DLG5: variants seen among roughly 807,000 people sequenced by gnomAD.
The protein encoded by DLG5 is disks large homolog 5.
A neutral mutation model predicts 189.8 loss-of-function variants in DLG5; 48 were observed. The observed-to-expected ratio is 0.25, with a 90% confidence interval of 0.20 to 0.32. The LOEUF (loss-of-function observed/expected upper bound fraction) is 0.32, where lower values mean the gene tolerates loss of function less well. DLG5 is among the 10% of genes least tolerant of loss of function. DLG5 has a pLI of 1.00. For missense variants in DLG5, 2,160 were observed against 2,544.7 expected (o/e 0.85, Z 3.25); for synonymous variants, 1,016 against 1,054.1 (o/e 0.96, Z 0.70).
chr10:77,825,569 T>C (rs1009358267), intron 13 of DLG5, among the ~76,000 whole-genome samples: 1 of 152,084 alleles, frequency 6.6e-6, no homozygotes, highest in African/African-American at 2.4e-5. Flanking sequence ...TTCTTTTTTT[T>C]TTTTGAGATG....
chr10:77,810,956 G>A (rs1053908669), intron 23 of DLG5, 138 bp downstream of exon 23: 24 of 1,056,168 alleles, frequency 2.3e-5, no homozygotes, highest in Middle Eastern at 3.2e-4. Flanking sequence ...CCGTGCTCCC[G>A]GCCCAACTCC....
intron 24 of DLG5, among the ~76,000 whole-genome samples, chr10:77,808,392 G>C (rs1008221139): frequency 1.2e-4 from 19 of 152,198 alleles, no homozygotes; most frequent in African/African-American, 4.1e-4. Context: ...TCAGCCTCCA[G>C]AATAGCTGGG....
chr10:77,928,571 C>CTT, upstream of DLG5: 1 of 152,380 alleles, frequency 6.6e-6, no homozygotes, highest in African/African-American at 2.4e-5. Context: ...AGGGCAACCC[C>CTT]AGAGCTTAAA....
intron 1 of DLG5, among the ~76,000 whole-genome samples, chr10:77,892,648 G>A (rs368724219): frequency 9.9e-5 from 15 of 152,136 alleles, no homozygotes; most frequent in African/African-American, 3.4e-4. Flanking sequence ...AAGACACCTC[G>A]CACACCAGAC....
At chr10:77,889,165 G>C (rs1023915617) in intron 1 of DLG5, among the ~76,000 whole-genome samples, 12 of 145,832 alleles carry the variant, frequency 8.2e-5, no homozygotes, top group Admixed American at 1.4e-4. Flanking sequence ...GGCTTCACAA[G>C]CCCACAGGTA....
intron 3 of DLG5, 37 bp from the exon 4 acceptor site, chr10:77,854,407 C>A (rs764125256): frequency 6.2e-7 from 1 of 1,610,778 alleles, no homozygotes; most frequent in South Asian, 1.1e-5. Context: ...GAACACAGGC[C>A]CCAGGATTCA....
At chr10:77,900,729 G>A (rs1845900073) in intron 1 of DLG5, among the ~76,000 whole-genome samples, 1 of 152,190 alleles carries the variant, frequency 6.6e-6, no homozygotes, top group Non-Finnish European at 1.5e-5. Context: ...GAGGTCAGGA[G>A]TTTGAGACCA....
At chr10:77,869,330 C>T in intron 1 of DLG5, 133 bp from the exon 2 acceptor site, 1 of 794,164 alleles carries the variant, frequency 1.3e-6, no homozygotes, top group Non-Finnish European at 2.1e-6. Context: ...CATCCACGGG[C>T]CAAGCAGAGG....
At chr10:77,850,366 T>G (rs867112568) in intron 5 of DLG5, among the ~76,000 whole-genome samples, 26 of 152,370 alleles carry the variant, frequency 1.7e-4, no homozygotes, top group Middle Eastern at 3.4e-3. Flanking sequence ...CACTATAGCA[T>G]GGATCAGTAC....
At chr10:77,893,766 C>T (rs374604467) in intron 1 of DLG5, among the ~76,000 whole-genome samples, 105 of 152,362 alleles carry the variant, frequency 6.9e-4, no homozygotes, top group African/African-American at 2.5e-3. Context: ...TCAGTGCAGA[C>T]ACCATTACCT....
intron 24 of DLG5, among the ~76,000 whole-genome samples, chr10:77,809,328 C>T (rs1841638848): frequency 6.6e-6 from 1 of 152,160 alleles, no homozygotes. Flanking sequence ...ATCGCTTGAA[C>T]CTGGGAAGTG....
chr10:77,899,104 C>T (rs1242593228), intron 1 of DLG5, among the ~76,000 whole-genome samples: 1 of 152,188 alleles, frequency 6.6e-6, no homozygotes, highest in Non-Finnish European at 1.5e-5. Context: ...AGGTCCCATC[C>T]GCCTTGAAGT....
rs1462799851 is a variant in DLG5 at position 77,794,161 on chromosome 10, C to T, written c.5547-44G>A. 4 of 1,559,852 alleles carry T rather than the reference C, an allele frequency of 2.6e-6. No individual in the cohort carries two copies. The South Asian group carries it at 3.3e-5, about 13-fold the overall frequency. ...ACCAGGCTGAGCACTGAGCCTCCTC[C>T]AGGCCCTCTTTCCTTCCTCTGTCCA... On this transcript the variant is annotated intron_variant, in intron 30 of 31. Transcript: ENST00000372391.
chr10:77,816,859 C>T (rs566373786), intron 19 of DLG5, 148 bp downstream of exon 19: 17 of 1,337,700 alleles, frequency 1.3e-5, no homozygotes, highest in East Asian at 2.4e-5. Flanking sequence ...CCCTACCCCC[C>T]ACACCACCAG....
chr10:77,919,231 A>AC (rs1226034792), intron 1 of DLG5, among the ~76,000 whole-genome samples: 3 of 152,066 alleles, frequency 2.0e-5, no homozygotes, highest in African/African-American at 4.8e-5. Flanking sequence ...AAACAAACAA[A>AC]AAAAAAACTG....
chr10:77,816,203 G>A (rs547236318), intron 20 of DLG5: 7 of 557,518 alleles, frequency 1.3e-5, no homozygotes, highest in East Asian at 8.8e-5. Context: ...CAATAATAAC[G>A]ACACTGGCAG....
rs1842999158 is a variant in DLG5 at position 77,833,955 on chromosome 10, G to A, written c.1707C>T (p.Arg569=). ...CGCGGCTGACATCATTCTTCTGCTT[G>A]CGGGTGTCATCCAGGCTGCGCAGGG... The part of the protein sequence containing the change: ...AEALRSLDDT[R]KQKNDVSREL... The change falls in exon 9 of 32, where the codon CGC becomes CGT. Residue 569 remains arginine (R), a synonymous_variant. Transcript: ENST00000372391. 1 of 1,606,898 alleles carries A rather than the reference G, an allele frequency of 6.2e-7. No homozygotes were observed. The highest frequency in any genetic ancestry group is 2.2e-5 in the East Asian group (1 of 44,818).
chr10:77,794,966 G>A lies in DLG5; in HGVS notation c.5437-8C>T, dbSNP rs753176126. On this transcript the variant is annotated splice_polypyrimidine_tract_variant and splice_region_variant and intron_variant, in intron 29 of 31. Transcript: ENST00000372391. Reference sequence around the variant, plus strand: ...CAGGAGGCAGTGTCGGTTCTGGGGTGGGGGGTGCAGAGTGAGCCCTGGCGG... The same window carrying A: ...CAGGAGGCAGTGTCGGTTCTGGGGTAGGGGGTGCAGAGTGAGCCCTGGCGG... The A allele has an allele frequency of 6.2e-7, 1 of 1,611,452 alleles. No individual in the cohort carries two copies. Among genetic ancestry groups the A allele is most frequent in the South Asian group, 1.1e-5 (1 of 90,826 alleles).
At chr10:77,816,031 G>T (rs1412198861) in intron 20 of DLG5, 1 of 443,708 alleles carries the variant, frequency 2.3e-6, no homozygotes, top group African/African-American at 2.0e-5. Context: ...GCACATTTAT[G>T]CTTTCTTCCT....
Sources: gnomAD v4.1 joint callset for allele counts (sites outside exome capture counted in the v4.1 genomes callset) on GRCh38, gnomAD v4.1.1 for gene constraint, MANE v1.5 for transcripts, NCBI Gene and HGNC (gene_info 2026-07-23, HGNC 2026-07-21) for gene names.